Variants in ARHGAP26 observed in about 807,000 individuals in gnomAD.
The protein encoded by ARHGAP26 is Rho GTPase activating protein 26.
Under a neutral mutation model 104.8 loss-of-function variants are expected in ARHGAP26, and 38 were observed. The observed-to-expected ratio is 0.36, with a 90% CI of 0.28 to 0.48. ARHGAP26 has a LOEUF of 0.48. Among genes scored for constraint, ARHGAP26 ranks in the 20% least tolerant of loss-of-function variants. ARHGAP26 has a pLI of 0.99. For synonymous variants in ARHGAP26, 341 were observed against 340.0 expected (o/e 1.00, Z -0.03); for missense variants, 704 against 947.9 (o/e 0.74, Z 3.38).
At chr5:142,955,682 G>A (rs1416512364) in intron 11 of ARHGAP26, among the ~76,000 whole-genome samples, 1 of 152,180 alleles carries the variant, frequency 6.6e-6, no homozygotes, top group Non-Finnish European at 1.5e-5. Flanking sequence ...AGAAATTTGT[G>A]CTGTTTTCTA....
intron 17 of ARHGAP26, chr5:143,103,152 T>C: frequency 1.3e-6 from 1 of 765,616 alleles, no homozygotes; most frequent in Non-Finnish European, 1.6e-6. Flanking sequence ...TGGTATGTCG[T>C]CTTCTTTACC....
intron 4 of ARHGAP26, among the ~76,000 whole-genome samples, chr5:142,879,730 C>T (rs948211620): frequency 2.6e-5 from 4 of 152,206 alleles, no homozygotes; most frequent in Non-Finnish European, 5.9e-5. Flanking sequence ...AACCACACCT[C>T]ATTTGTGTTA....
At chr5:143,163,582 C>G (rs1338224410) in intron 20 of ARHGAP26, among the ~76,000 whole-genome samples, 5 of 152,072 alleles carry the variant, frequency 3.3e-5, no homozygotes, top group Admixed American at 3.3e-4. Flanking sequence ...TCCCAAGTAG[C>G]TGGGATTACA....
At chr5:143,166,457 C>T (rs1801957272) in intron 20 of ARHGAP26, among the ~76,000 whole-genome samples, 1 of 152,152 alleles carries the variant, frequency 6.6e-6, no homozygotes. Flanking sequence ...CACCATTTAG[C>T]TACTTGGTGT....
At chr5:142,911,592 T>C (rs1761845285) in intron 9 of ARHGAP26, among the ~76,000 whole-genome samples, 1 of 152,246 alleles carries the variant, frequency 6.6e-6, no homozygotes, top group Non-Finnish European at 1.5e-5. Context: ...CAATCAATAG[T>C]TGAACAGACC....
At chr5:142,934,267 C>T (rs892171974) in intron 11 of ARHGAP26, among the ~76,000 whole-genome samples, 1 of 152,192 alleles carries the variant, frequency 6.6e-6, no homozygotes, top group Non-Finnish European at 1.5e-5. Flanking sequence ...CATCTGGCCT[C>T]TGCAGATGGA....
chr5:143,056,316 CTTTTTTT>C (rs10672936), intron 16 of ARHGAP26, among the ~76,000 whole-genome samples: 1 of 80,070 alleles, frequency 1.2e-5, no homozygotes, highest in Non-Finnish European at 2.4e-5. Flanking sequence ...CTTCAGAAGT[CTTTTTTT>C]TTTTTTTTTT....
At chr5:142,882,925 A>G (rs1757201971) in intron 4 of ARHGAP26, among the ~76,000 whole-genome samples, 1 of 152,178 alleles carries the variant, frequency 6.6e-6, no homozygotes, top group Admixed American at 6.5e-5. Context: ...AGTTGGGAAT[A>G]AATTTTAGGA....
intron 1 of ARHGAP26, among the ~76,000 whole-genome samples, chr5:142,802,784 T>G (rs1762316644): frequency 1.3e-5 from 2 of 152,208 alleles, no homozygotes; most frequent in Admixed American, 6.5e-5. Context: ...AGACCAAGTC[T>G]GGGACTCTGA....
chr5:142,993,421 G>A (rs529433088), intron 11 of ARHGAP26, among the ~76,000 whole-genome samples: 1,766 of 151,510 alleles, frequency 0.012, 35 homozygotes, highest in African/African-American at 0.041. Context: ...CACCTGCCTC[G>A]GCCTCCCAAA....
intron 10 of ARHGAP26, among the ~76,000 whole-genome samples, chr5:142,920,532 T>C (rs532778022): frequency 8.6e-4 from 131 of 152,288 alleles, no homozygotes; most frequent in Non-Finnish European, 1.6e-3. Context: ...TAAAGTCTCT[T>C]GAGGGGCAGT....
At chr5:142,822,218 A>G (rs1428911164) in intron 1 of ARHGAP26, among the ~76,000 whole-genome samples, 1 of 145,920 alleles carries the variant, frequency 6.9e-6, no homozygotes, top group Non-Finnish European at 1.5e-5. Context: ...TGAATCATCA[A>G]CAGTAGGGCA....
intron 1 of ARHGAP26, among the ~76,000 whole-genome samples, chr5:142,833,551 T>A (rs1038222440): frequency 6.6e-6 from 1 of 152,198 alleles, no homozygotes; most frequent in African/African-American, 2.4e-5. Context: ...TGTACTTTTT[T>A]CCCCCATTTA....
rs17100167 is a variant in ARHGAP26, at chr5:143,222,057, C to T, written c.2192-301C>T. Reference sequence around the variant, plus strand: ...TTTAAACCAGGAGCTTCAGAAAATCCGTGAAACCCCTAAAATTGTACACAA... The same window carrying T: ...TTTAAACCAGGAGCTTCAGAAAATCTGTGAAACCCCTAAAATTGTACACAA... On this transcript the variant is annotated intron_variant, in intron 22 of 22. Coordinates refer to ENST00000645722, the MANE Select transcript of ARHGAP26 (RefSeq NM_001135608.3). Among the ~76,000 whole-genome samples the T allele has an allele frequency of 7.3e-3, 1,118 of 152,220 alleles. 33 individuals are homozygous for T. Among genetic ancestry groups the T allele is most frequent in the Admixed American group, 0.041 (632 of 15,284 alleles).
At chr5:142,844,711 C>T (rs569908324) in intron 1 of ARHGAP26, among the ~76,000 whole-genome samples, 57 of 151,934 alleles carry the variant, frequency 3.8e-4, no homozygotes, top group African/African-American at 1.2e-3. Flanking sequence ...AAAAATTAGC[C>T]GGGCCTGGTG....
At chr5:142,978,216 C>CATG (rs1773413569) in intron 11 of ARHGAP26, among the ~76,000 whole-genome samples, 1 of 152,162 alleles carries the variant, frequency 6.6e-6, no homozygotes, top group African/African-American at 2.4e-5. Context: ...CCTCAAAGGC[C>CATG]ATGAGTGGTA....
intron 10 of ARHGAP26, among the ~76,000 whole-genome samples, chr5:142,920,199 AT>A (rs1417364686): frequency 3.3e-5 from 5 of 152,214 alleles, no homozygotes; most frequent in Non-Finnish European, 7.4e-5. Flanking sequence ...GGGTTAAAAA[AT>A]GGGACATGAT....
chr5:143,063,604 T>G (rs1013753524), intron 17 of ARHGAP26, among the ~76,000 whole-genome samples: 2 of 152,230 alleles, frequency 1.3e-5, no homozygotes, highest in African/African-American at 4.8e-5. Flanking sequence ...TAGACGCTCA[T>G]GAATATTTGT....
intron 17 of ARHGAP26, among the ~76,000 whole-genome samples, chr5:143,096,393 C>G (rs563421556): frequency 1.3e-5 from 2 of 152,274 alleles, no homozygotes; most frequent in East Asian, 3.9e-4. Context: ...TACTGTTTTC[C>G]TTAAAGTAGA....
Sources: allele counts gnomAD v4.1 joint callset (sites outside exome capture counted in the v4.1 genomes callset), GRCh38; gene constraint gnomAD v4.1.1; transcripts MANE v1.5; gene names NCBI Gene and HGNC (gene_info 2026-07-23, HGNC 2026-07-21).